RNF19B: variants seen among roughly 807,000 people sequenced by gnomAD.
RNF19B encodes the protein E3 ubiquitin-protein ligase RNF19B.
A neutral mutation model predicts 65.5 loss-of-function variants in RNF19B; 23 were observed. That is an observed-to-expected ratio of 0.35 (90% CI 0.25 to 0.50). RNF19B has a LOEUF of 0.50. Among genes scored for constraint, RNF19B ranks in the 20% least tolerant of loss-of-function variants. The pLI is 0.98. For synonymous variants in RNF19B, 372 were observed against 379.6 expected, an observed-to-expected ratio of 0.98 and a Z score of 0.23; for missense variants, 794 against 980.0, an observed-to-expected ratio of 0.81 and a Z score of 2.53.
intron 3 of RNF19B, among the ~76,000 whole-genome samples, chr1:32,947,164 A>G (rs1047695208): frequency 6.6e-6 from 1 of 152,200 alleles, no homozygotes; most frequent in Non-Finnish European, 1.5e-5. Flanking sequence ...TTTTGAAAAT[A>G]GGGATCATGT....
In RNF19B at chr1:32,964,738, C is replaced by T. The variant is rs1377105796; in HGVS notation, c.-53G>A. On this transcript the variant is annotated 5_prime_UTR_variant, in exon 1 of 9. Coordinates refer to ENST00000235150, the MANE Select transcript of RNF19B (RefSeq NM_001300826.2). The surrounding 1 kb of genome is among the most constrained non-coding windows in gnomAD (Gnocchi z 6.5). The stretch of plus-strand genomic sequence containing the variant: ...CGCCCAGCGCCGCCACAGCTCCCGC[C>T]TCAGCGCCCCTCAGCCAGCGCCCGG... 2.3e-6 allele frequency: 3 copies of T among 1,318,416 alleles called. No homozygotes were observed. The highest frequency in any genetic ancestry group is 1.8e-5 in the South Asian group (1 of 56,310). 81.7% of individuals were successfully genotyped at this position (1,318,416 alleles called of 1,614,324 possible).
downstream of RNF19B, among the ~76,000 whole-genome samples, chr1:32,934,947 C>T (rs946451439): frequency 1.3e-4 from 19 of 151,988 alleles, no homozygotes; most frequent in African/African-American, 3.4e-4. Context: ...ATTCTCCTGC[C>T]TCAGCCTCCC....
intron 1 of RNF19B, among the ~76,000 whole-genome samples, chr1:32,960,794 C>T (rs544151821): frequency 2.6e-4 from 40 of 151,894 alleles, no homozygotes; most frequent in African/African-American, 9.2e-4. Context: ...CCCAGGAGTT[C>T]GAGACCAGCC....
At chr1:32,935,535 T>C (rs912193828), downstream of RNF19B, among the ~76,000 whole-genome samples, 1 of 152,230 alleles carries the variant, frequency 6.6e-6, no homozygotes, top group Admixed American at 6.5e-5. Context: ...TCAGAGATTT[T>C]GAGGGCATAC....
intron 7 of RNF19B, among the ~76,000 whole-genome samples, chr1:32,941,008 A>G (rs1642217731): frequency 6.6e-6 from 1 of 152,202 alleles, no homozygotes; most frequent in South Asian, 2.1e-4. Flanking sequence ...GGATGGCTTC[A>G]GGCCAGGAGT....
At position 32,964,774 on chromosome 1, in the gene RNF19B, C is replaced by G. The variant is rs1047634201; in HGVS notation, c.-89G>C. 8.3e-7 allele frequency: 1 copy of G among 1,203,924 alleles called. No homozygotes were observed. The highest frequency in any genetic ancestry group is 1.1e-6 in the Non-Finnish European group (1 of 946,102). 74.6% of individuals were successfully genotyped at this position (1,203,924 alleles called of 1,614,324 possible). On this transcript the variant is annotated 5_prime_UTR_variant, in exon 1 of 9. Coordinates refer to ENST00000235150, the MANE Select transcript of RNF19B (RefSeq NM_001300826.2). The surrounding 1 kb of genome is among the most constrained non-coding windows in gnomAD (Gnocchi z 6.5). ...TCAGCCAGCGCCCGGCCGCCGCCGA[C>G]GCCGCCACCACCGCCTCAACCGCCC...
In RNF19B at chr1:32,942,277, A is replaced by G. The variant is rs1642253648; in HGVS notation, c.1585T>C (p.Ser529Pro). The G allele has an allele frequency of 2.5e-6, 4 of 1,611,346 alleles. No individual in the cohort carries two copies. The highest frequency in any genetic ancestry group is 3.4e-6 in the Non-Finnish European group (4 of 1,177,650). ...SGGTLSGGIL[S>P]SGKGKYSRLE... ...CTGCTATATTTTCCCTTGCCACTGG[A>G]GAGAATGCCGCCACTCAGCGTGCCC... Residue 529 changes from serine to proline, a missense_variant, in exon 7 of 9, where the codon TCC becomes CCC. Around this residue, in one of 3 missense-constraint regions of RNF19B, gnomAD observed 368 missense variants for 447.3 expected, o/e 0.82. Coordinates refer to ENST00000235150, the MANE Select transcript of RNF19B (RefSeq NM_001300826.2).
At chr1:32,937,481 G>A (rs1263501730) in intron 8 of RNF19B, among the ~76,000 whole-genome samples, 7 of 152,188 alleles carry the variant, frequency 4.6e-5, no homozygotes, top group East Asian at 1.9e-4. Flanking sequence ...GGAGGTCGAG[G>A]TGTGAGGACT....
At chr1:32,960,129 T>C (rs915279868) in intron 1 of RNF19B, among the ~76,000 whole-genome samples, 3 of 152,238 alleles carry the variant, frequency 2.0e-5, no homozygotes, top group Non-Finnish European at 4.4e-5. Context: ...AAACCATATT[T>C]GAGTGTAAGA....
At chr1:32,941,873 G>A (rs774752528) in intron 7 of RNF19B, among the ~76,000 whole-genome samples, 6 of 152,014 alleles carry the variant, frequency 3.9e-5, no homozygotes, top group Admixed American at 6.5e-5. Flanking sequence ...CAAGGCGGGC[G>A]GATCACGAGG....
At position 32,945,957 on chromosome 1, in the gene RNF19B, G is replaced by C. The variant is rs1642359128; in HGVS notation, c.1147-329C>G. ...GGCTCACTGCAACCTCTACGTCCCTGGGCTCAAGCAATCCTCCCACCTCAG... is the reference window on the plus strand; with the variant it reads ...GGCTCACTGCAACCTCTACGTCCCTCGGCTCAAGCAATCCTCCCACCTCAG... On this transcript the variant is annotated intron_variant, in intron 4 of 8. Coordinates refer to ENST00000235150, the MANE Select transcript of RNF19B (RefSeq NM_001300826.2). 2.0e-5 allele frequency among the ~76,000 whole-genome samples: 3 copies of C among 151,820 alleles called. No individual in the cohort carries two copies. The South Asian group carries it at 6.3e-4, about 32-fold the overall frequency.
chr1:32,964,161 G>C lies in RNF19B; in HGVS notation c.525C>G (p.Ile175Met). The change falls in exon 1 of 9, where the codon ATC becomes ATG. Residue 175 changes from isoleucine to methionine, a missense_variant. This residue lies in a region of RNF19B where 374 missense variants were observed against 423.8 expected (regional missense o/e 0.88). Coordinates refer to ENST00000235150, the MANE Select transcript of RNF19B (RefSeq NM_001300826.2). This position sits in a 1 kb window ranked among gnomAD's most constrained non-coding sequence, Gnocchi z 6.5. Reference sequence around the variant, plus strand: ...GCGGCGGGTCGGCGAGCAGCAAGCGGATGTCGTGCGGGTTGAGTCGCTCGC... The same window carrying C: ...GCGGCGGGTCGGCGAGCAGCAAGCGCATGTCGTGCGGGTTGAGTCGCTCGC... ...ECSERLNPHD[I>M]RLLLADPPLM... 1 of 1,545,036 alleles carries C rather than the reference G, an allele frequency of 6.5e-7. No homozygotes were observed. The highest frequency in any genetic ancestry group is 8.7e-7 in the Non-Finnish European group (1 of 1,144,746).
intron 1 of RNF19B, among the ~76,000 whole-genome samples, chr1:32,950,424 C>T (rs553432606): frequency 1.8e-3 from 276 of 152,256 alleles, no homozygotes; most frequent in African/African-American, 6.3e-3. Context: ...TCATAAATAA[C>T]AGGGTACAAA....
intron 1 of RNF19B, among the ~76,000 whole-genome samples, chr1:32,951,345 G>A (rs1367432488): frequency 6.6e-6 from 1 of 152,158 alleles, no homozygotes; most frequent in Non-Finnish European, 1.5e-5. Flanking sequence ...TGCAGCCCTG[G>A]GCACACTTGG....
Position 32,945,644 on chromosome 1 carries a change from G to A in RNF19B, c.1147-16C>T. 1 of 1,491,056 alleles carries A rather than the reference G, an allele frequency of 6.7e-7. No individual in the cohort carries two copies. Among genetic ancestry groups the A allele is most frequent in the Non-Finnish European group, 9.4e-7 (1 of 1,068,834 alleles). The allele number at this position is 1,491,056 out of a possible 1,614,324, so 92.4% of individuals were successfully genotyped here. ...TGCTGTGAATCTAAGAATAAAAAAA[G>A]AAAATCCAGGTCAGCAGGTTAGGAC... On this transcript the variant is annotated splice_polypyrimidine_tract_variant and intron_variant, in intron 4 of 8. Transcript: ENST00000235150.
intron 7 of RNF19B, among the ~76,000 whole-genome samples, chr1:32,942,026 G>A (rs1436814342): frequency 6.6e-6 from 1 of 152,092 alleles, no homozygotes; most frequent in Non-Finnish European, 1.5e-5. Flanking sequence ...GAACCCAGGA[G>A]GCGGAGCTTG....
At chr1:32,934,252 C>T (rs913743422), downstream of RNF19B, among the ~76,000 whole-genome samples, 1 of 152,204 alleles carries the variant, frequency 6.6e-6, no homozygotes, top group Non-Finnish European at 1.5e-5. Context: ...TGTAGTAAAA[C>T]ACTGGCCAGG....
the RNF19B span, among the ~76,000 whole-genome samples, chr1:32,929,788 T>C: frequency 1.3e-5 from 2 of 152,160 alleles, no homozygotes; most frequent in African/African-American, 2.4e-5. Flanking sequence ...ATAAGCCAAA[T>C]AGAACCTTGG....
At chr1:32,941,868 C>T (rs1024257459) in intron 7 of RNF19B, among the ~76,000 whole-genome samples, 2 of 151,902 alleles carry the variant, frequency 1.3e-5, no homozygotes, top group Non-Finnish European at 2.9e-5. Context: ...GAGGCCAAGG[C>T]GGGCGGATCA....
Sources: allele counts gnomAD v4.1 joint callset (sites outside exome capture counted in the v4.1 genomes callset), GRCh38; gene constraint gnomAD v4.1.1; regional missense constraint gnomAD v4.1.1; non-coding constraint Gnocchi (gnomAD v3.1); transcripts MANE v1.5; gene names NCBI Gene and HGNC (gene_info 2026-07-23, HGNC 2026-07-21).